FBXO3: variants seen among roughly 807,000 people sequenced by gnomAD.
FBXO3 encodes F-box protein 3, also known as F-box only protein 3.
A neutral mutation model predicts 64.8 loss-of-function variants in FBXO3; 17 were observed. The observed-to-expected ratio is 0.26, with a 90% CI of 0.18 to 0.39. FBXO3 has a LOEUF of 0.39. Ranked by LOEUF, FBXO3 falls within the 10% of genes least tolerant of loss-of-function variation. The pLI, the probability that FBXO3 is intolerant of heterozygous loss-of-function variation, is 1.00. For missense variants in FBXO3, 420 were observed against 589.9 expected (o/e 0.71, Z 2.98); for synonymous variants, 182 against 201.6 (o/e 0.90, Z 0.82).
chr11:33,754,471 A>G lies in FBXO3; in HGVS notation c.708T>C (p.Ile236=), dbSNP rs1855041765. The change falls in exon 6 of 11, where the codon ATT becomes ATC. Residue 236 remains isoleucine, a synonymous_variant. Transcript: ENST00000265651. ...CTTTCCTACCTATAATAAACATGTCAATAGCAGCTGGATTTCGAGCCATTT... is the reference window on the plus strand; with the variant it reads ...CTTTCCTACCTATAATAAACATGTCGATAGCAGCTGGATTTCGAGCCATTT... The part of the protein sequence containing the change: ...PDQMARNPAA[I]DMFIIGATFT... The G allele has an allele frequency of 6.3e-7, 1 of 1,585,564 alleles. No homozygotes were observed.
At chr11:33,753,332 G>A (rs1031504752) in intron 6 of FBXO3, 4 of 152,156 alleles carry the variant, frequency 2.6e-5, no homozygotes, top group Admixed American at 2.0e-4. Context: ...GAGTGGTGAG[G>A]TTCTACATAC....
chr11:33,749,360 C>T (rs1477178167), intron 8 of FBXO3, among the ~76,000 whole-genome samples: 1 of 137,050 alleles, frequency 7.3e-6, no homozygotes, highest in Admixed American at 7.4e-5. Context: ...TGGGATTACA[C>T]TTTTTTTTTT....
At chr11:33,770,624 G>T in intron 2 of FBXO3, 117 bp downstream of exon 2, 1 of 713,878 alleles carries the variant, frequency 1.4e-6, no homozygotes, top group Non-Finnish European at 2.4e-6. Flanking sequence ...GCAGGCACGA[G>T]AAGAGCCACC....
rs1000386894 is a variant in FBXO3 at position 33,741,713 on chromosome 11, C to T, written c.*195G>A. 3 of 424,314 alleles carry T rather than the reference C, an allele frequency of 7.1e-6. No homozygotes were observed. Among genetic ancestry groups the T allele is most frequent in the Non-Finnish European group, 1.2e-5 (3 of 250,202 alleles). The allele number at this position is 424,314 out of a possible 1,614,324, so 26.3% of individuals were successfully genotyped here. A position where few individuals can be genotyped will look rare whatever the true frequency, so the allele number is the denominator to read the frequency against. On this transcript the variant is annotated 3_prime_UTR_variant, in exon 11 of 11. Transcript: ENST00000265651. ...GAGAAAAAAAAGATTCCCATTTCTTCCTCTACCTCAAAAACACAAAGCAAA... is the reference window on the plus strand; with the variant it reads ...GAGAAAAAAAAGATTCCCATTTCTTTCTCTACCTCAAAAACACAAAGCAAA...
Position 33,770,843 on chromosome 11 carries a change from A to G in FBXO3, c.105-13T>C. 1.3e-6 allele frequency: 2 copies of G among 1,568,282 alleles called. No individual in the cohort carries two copies. Among genetic ancestry groups the G allele is most frequent in the Non-Finnish European group, 1.7e-6 (2 of 1,145,178 alleles). On this transcript the variant is annotated splice_polypyrimidine_tract_variant and intron_variant, in intron 1 of 10. Transcript: ENST00000265651. ...GACATAACAACAGCTGGCAGTAACCAGATTCACCGATAGTATTTAAAAAAG... is the reference window on the plus strand; with the variant it reads ...GACATAACAACAGCTGGCAGTAACCGGATTCACCGATAGTATTTAAAAAAG...
chr11:33,773,175 G>A (rs1855553023), intron 1 of FBXO3: 1 of 152,112 alleles, frequency 6.6e-6, no homozygotes, highest in Admixed American at 6.6e-5. Context: ...TAAACATAGG[G>A]GTGTCACAGG....
intron 3 of FBXO3, among the ~76,000 whole-genome samples, chr11:33,762,457 C>G (rs1036005617): frequency 6.6e-6 from 1 of 151,884 alleles, no homozygotes; most frequent in African/African-American, 2.4e-5. Context: ...CCTGTGATCA[C>G]AGTGGAATTA....
intron 6 of FBXO3, chr11:33,753,534 G>C (rs900224502): frequency 6.6e-6 from 1 of 152,188 alleles, no homozygotes; most frequent in Non-Finnish European, 1.5e-5. Context: ...AACCTCCAGA[G>C]AGTGCTTAAC....
chr11:33,749,553 A>G (rs1854901786), intron 8 of FBXO3, among the ~76,000 whole-genome samples: 1 of 152,038 alleles, frequency 6.6e-6, no homozygotes, highest in Non-Finnish European at 1.5e-5. Flanking sequence ...TTTGTAGGAC[A>G]AGGTCTCACT....
intron 10 of FBXO3, chr11:33,746,570 T>C: frequency 1.5e-6 from 1 of 666,372 alleles, no homozygotes; most frequent in South Asian, 1.6e-5. Context: ...TTTATCCCCA[T>C]TGTATAACTG....
intron 1 of FBXO3, chr11:33,774,078 T>G: frequency 3.4e-6 from 1 of 291,596 alleles, no homozygotes; most frequent in Non-Finnish European, 6.6e-6. Flanking sequence ...CCAGCGGGGG[T>G]CCGCGGAGCG....
chr11:33,742,353 G>C (rs1338417845), intron 10 of FBXO3: 1 of 227,538 alleles, frequency 4.4e-6, no homozygotes, highest in Non-Finnish European at 8.6e-6. Flanking sequence ...TTTTTTCTTA[G>C]AGACGAGTTC....
chr11:33,766,999 AAAG>A (rs1855388563), intron 3 of FBXO3, among the ~76,000 whole-genome samples: 1 of 104,282 alleles, frequency 9.6e-6, no homozygotes. Context: ...AAAAAAAAAA[AAAG>A]AAAAAAAAAA....
At chr11:33,770,626 A>C in intron 2 of FBXO3, 115 bp downstream of exon 2, 14 of 717,490 alleles carry the variant, frequency 2.0e-5, no homozygotes, top group East Asian at 5.1e-5. Context: ...AGGCACGAGA[A>C]GAGCCACCAA....
In FBXO3 at chr11:33,747,289, T is replaced by C. The variant is rs750177328; in HGVS notation, c.1080A>G (p.Val360=). 1 of 1,613,400 alleles carries C rather than the reference T, an allele frequency of 6.2e-7. No homozygotes were observed. Among genetic ancestry groups the C allele is most frequent in the Non-Finnish European group, 8.5e-7 (1 of 1,179,822 alleles). The change falls in exon 10 of 11, where the codon GTA becomes GTG. Residue 360 remains valine, a synonymous_variant. Transcript: ENST00000265651. The part of the protein sequence containing the change: ...GEFPIISPGR[V]YEYTSCTTFS... The stretch of plus-strand genomic sequence containing the variant: ...ATGTGGTACAGCTTGTGTATTCATA[T>C]ACCCGACCTGGGCTGATGATTGGAA...
At chr11:33,769,364 A>G (rs986986611) in intron 2 of FBXO3, among the ~76,000 whole-genome samples, 12 of 152,164 alleles carry the variant, frequency 7.9e-5, no homozygotes, top group Admixed American at 3.3e-4. Context: ...ATTGTTTTAG[A>G]GAATACTTAG....
intron 3 of FBXO3, among the ~76,000 whole-genome samples, chr11:33,761,078 T>C (rs1180124425): frequency 2.0e-5 from 3 of 152,098 alleles, no homozygotes; most frequent in East Asian, 1.9e-4. Context: ...GTGGAAAAAA[T>C]ACTAATTTAC....
At position 33,758,561 on chromosome 11, in the gene FBXO3, C is replaced by G. The variant is rs773432097; in HGVS notation, c.399G>C (p.Gln133His). The change falls in exon 4 of 11, where the codon CAG becomes CAC. Residue 133 changes from glutamine to histidine, a missense_variant. Physicochemically the swap from Gln to His is conservative, Grantham distance 24. Transcript: ENST00000265651. ...AATCGTCAGGAAGCTTGCAGCCAAT[C>G]TGCGCTTCCACAGCATCGAGGTCTT... ...REEDLDAVEA[Q>H]IGCKLPDDYR... 1 of 1,610,058 alleles carries G rather than the reference C, an allele frequency of 6.2e-7. No individual in the cohort carries two copies. The highest frequency in any genetic ancestry group is 1.1e-5 in the South Asian group (1 of 90,766).
intron 6 of FBXO3, 83 bp from the exon 7 acceptor site, chr11:33,751,690 T>A (rs765065993): frequency 1.4e-6 from 1 of 708,650 alleles, no homozygotes; most frequent in East Asian, 2.8e-5. Flanking sequence ...AATTCCTCTA[T>A]GCTTTAGAAT....
Sources: allele counts gnomAD v4.1 joint callset (sites outside exome capture counted in the v4.1 genomes callset), GRCh38; gene constraint gnomAD v4.1.1; transcripts MANE v1.5; gene names NCBI Gene and HGNC (gene_info 2026-07-23, HGNC 2026-07-21).